The following GAS2L3 variants were observed in gnomAD, a reference collection of about 807,000 sequenced individuals.
GAS2L3 encodes growth arrest specific 2 like 3, also known as GAS2-like protein 3.
In GAS2L3, 28 loss-of-function variants were observed where a neutral mutation model predicts 37.0. The ratio of observed to expected loss-of-function variants is 0.76; its 90% CI spans 0.56 to 1.04. The LOEUF (loss-of-function observed/expected upper bound fraction) is 1.04. Ranked by LOEUF, GAS2L3 falls within the 50% of genes least tolerant of loss-of-function variation. The pLI, the probability that GAS2L3 is intolerant of heterozygous loss-of-function variation, is 0.00. For missense variants in GAS2L3, 793 were observed against 817.6 expected (o/e 0.97, Z 0.37); for synonymous variants, 290 against 296.6 (o/e 0.98, Z 0.23).
chr12:100,625,068 G>A lies in GAS2L3; in HGVS notation c.*178G>A. The A allele has an allele frequency of 1.9e-6, 1 of 527,844 alleles. No individual in the cohort carries two copies. Among genetic ancestry groups the A allele is most frequent in the African/African-American group, 1.9e-5 (1 of 52,894 alleles). The allele number at this position is 527,844 out of a possible 1,614,324, so 32.7% of individuals were successfully genotyped here. On this transcript the variant is annotated 3_prime_UTR_variant, in exon 10 of 10. Transcript: ENST00000547754. Reference sequence around the variant, plus strand: ...CACATATCTGAATTCACTGGAAAGAGCCCTTCTGAAGCAAACAGTTGTAAA... The same window carrying A: ...CACATATCTGAATTCACTGGAAAGAACCCTTCTGAAGCAAACAGTTGTAAA...
chr12:100,614,092 G>C (rs1043434375), intron 6 of GAS2L3, among the ~76,000 whole-genome samples: 3 of 152,022 alleles, frequency 2.0e-5, no homozygotes, highest in Non-Finnish European at 1.5e-5. Flanking sequence ...TTGTTTTAAG[G>C]ATCTCTGTTT....
At chr12:100,591,274 A>G (rs1436231062) in intron 1 of GAS2L3, among the ~76,000 whole-genome samples, 2 of 152,140 alleles carry the variant, frequency 1.3e-5, no homozygotes, top group African/African-American at 4.8e-5. Context: ...CACATGAAAA[A>G]AGATCACAGC....
Position 100,625,045 on chromosome 12 carries a change from C to G in GAS2L3, c.*155C>G. On this transcript the variant is annotated 3_prime_UTR_variant, in exon 10 of 10. Coordinates refer to ENST00000547754, the MANE Select transcript of GAS2L3 (RefSeq NM_174942.3). ...TGAGGAAAGGGTTCATCAGAATTCACATATCTGAATTCACTGGAAAGAGCC... is the reference window on the plus strand; with the variant it reads ...TGAGGAAAGGGTTCATCAGAATTCAGATATCTGAATTCACTGGAAAGAGCC... The G allele has an allele frequency of 1.7e-6, 1 of 600,574 alleles. No individual in the cohort carries two copies. Among genetic ancestry groups the G allele is most frequent in the Non-Finnish European group, 2.9e-6 (1 of 350,328 alleles). 37.2% of individuals were successfully genotyped at this position (600,574 alleles called of 1,614,324 possible).
chr12:100,595,488 G>A (rs1222886463), intron 3 of GAS2L3, among the ~76,000 whole-genome samples: 1 of 150,894 alleles, frequency 6.6e-6, no homozygotes, highest in East Asian at 1.9e-4. Context: ...ATGATTTCCA[G>A]AGTTGGTGTT....
At chr12:100,592,803 C>T (rs1955862579) in intron 2 of GAS2L3, among the ~76,000 whole-genome samples, 1 of 151,780 alleles carries the variant, frequency 6.6e-6, no homozygotes, top group South Asian at 2.1e-4. Flanking sequence ...CTCACCCTCG[C>T]GAAATCTAAG....
intron 1 of GAS2L3, among the ~76,000 whole-genome samples, chr12:100,589,386 A>C (rs1331157601): frequency 6.6e-6 from 1 of 152,192 alleles, no homozygotes; most frequent in Non-Finnish European, 1.5e-5. Flanking sequence ...AGACCTCTAC[A>C]AGGAAAACTA....
rs1162458336 is a variant in GAS2L3, at chr12:100,624,776, A to T, written c.1971A>T (p.Lys657Asn). The T allele has an allele frequency of 1.2e-6, 2 of 1,613,836 alleles. No homozygotes were observed. The highest frequency in any genetic ancestry group is 1.7e-6 in the Non-Finnish European group (2 of 1,180,012). ...RSGKTPASIR[K>N]PPSSVKDADS... Reference sequence around the variant, plus strand: ...GCAAAACCCCAGCTTCAATCAGGAAACCACCCTCATCTGTTAAGGATGCAG... The same window carrying T: ...GCAAAACCCCAGCTTCAATCAGGAATCCACCCTCATCTGTTAAGGATGCAG... Residue 657 changes from lysine (K) to asparagine (N), a missense_variant, in exon 10 of 10, where the codon AAA (lysine) becomes AAT (asparagine). Coordinates refer to ENST00000547754, the MANE Select transcript of GAS2L3 (RefSeq NM_174942.3).
At chr12:100,579,251 C>CTTCTAACT (rs1955677559) in intron 1 of GAS2L3, 1 of 607,348 alleles carries the variant, frequency 1.6e-6, no homozygotes, top group Admixed American at 2.6e-5. Context: ...TACAAACAAA[C>CTTCTAACT]TTCTAACTGT....
rs1029206180 is a variant in GAS2L3, at chr12:100,627,258, GTTGTT to G, written c.*2386_*2390del. Among the ~76,000 whole-genome samples the G allele has an allele frequency of 6.6e-6, 1 of 151,686 alleles. No individual in the cohort carries two copies. The highest frequency in any genetic ancestry group is 2.4e-5 in the African/African-American group (1 of 41,296). ...TCCAAAATAAAAGTGTTTTTTTAATGTTGTTTTGTTTTGTTTTGTTTTTTTCCTTT... is the reference window on the plus strand; with the variant it reads ...TCCAAAATAAAAGTGTTTTTTTAATGTTGTTTTGTTTTGTTTTTTTCCTTT... On this transcript the variant is annotated 3_prime_UTR_variant, in exon 10 of 10. Coordinates refer to ENST00000547754, the MANE Select transcript of GAS2L3 (RefSeq NM_174942.3).
At chr12:100,612,850 T>C (rs1956142711) in intron 6 of GAS2L3, among the ~76,000 whole-genome samples, 1 of 152,204 alleles carries the variant, frequency 6.6e-6, no homozygotes, top group Non-Finnish European at 1.5e-5. Context: ...AGAAGTTTTA[T>C]CACTGACATA....
Position 100,622,749 on chromosome 12 carries a change from T to TAAAAAAAAAAAAAAAAAAAAAAAA in GAS2L3, c.756+377_756+400dup. ...ATCTAATAAGATTGAGTATCCATAG[T>TAAAAAAAAAAAAAAAAAAAAAAAA]AAAAAAAAAAAAAAAAAAAAAAAAA... On this transcript the variant is annotated intron_variant, in intron 9 of 9. Transcript: ENST00000547754. Among the ~76,000 whole-genome samples the TAAAAAAAAAAAAAAAAAAAAAAAA allele has an allele frequency of 6.0e-4, 16 of 26,842 alleles. 2 individuals are homozygous for TAAAAAAAAAAAAAAAAAAAAAAAA. The highest frequency in any genetic ancestry group is 3.6e-3 in the East Asian group (2 of 562). 17.6% of individuals were successfully genotyped at this position (26,842 alleles called of 152,430 possible). A position where few individuals can be genotyped will look rare whatever the true frequency, so the allele number is the denominator to read the frequency against.
At chr12:100,577,667 A>G (rs896299655) in intron 1 of GAS2L3, among the ~76,000 whole-genome samples, 1 of 152,228 alleles carries the variant, frequency 6.6e-6, no homozygotes, top group Non-Finnish European at 1.5e-5. Flanking sequence ...AGAAGAAATG[A>G]AGACTGTTAA....
At chr12:100,597,138 G>T (rs548703769) in intron 3 of GAS2L3, among the ~76,000 whole-genome samples, 2 of 151,914 alleles carry the variant, frequency 1.3e-5, no homozygotes, top group East Asian at 3.9e-4. Context: ...TTTCATACAT[G>T]ATTTTAAAAA....
At chr12:100,580,042 T>G in intron 1 of GAS2L3, 1 of 1,441,634 alleles carries the variant, frequency 6.9e-7, no homozygotes. Context: ...TTGGCTGTTT[T>G]CAACTTCCTC....
chr12:100,598,088 A>G (rs1001448724), intron 3 of GAS2L3, among the ~76,000 whole-genome samples: 2 of 152,114 alleles, frequency 1.3e-5, no homozygotes, highest in African/African-American at 4.8e-5. Context: ...ACCTCTGAAT[A>G]TTTTAGTGTG....
rs900493342 is a variant in GAS2L3 at position 100,626,162 on chromosome 12, A to T, written c.*1272A>T. The T allele has an allele frequency of 3.9e-5, 6 of 152,216 alleles. No individual in the cohort carries two copies. The highest frequency in any genetic ancestry group is 1.3e-4 in the Admixed American group (2 of 15,272). The allele number at this position is 152,216 out of a possible 1,614,324, so 9.4% of individuals were successfully genotyped here. A position where few individuals can be genotyped will look rare whatever the true frequency, so the allele number is the denominator to read the frequency against. Reference sequence around the variant, plus strand: ...TTAAAACTTCACAGTATTGCCAATTATCTTAGGTTATTCAGTATTCAGGTT... The same window carrying T: ...TTAAAACTTCACAGTATTGCCAATTTTCTTAGGTTATTCAGTATTCAGGTT... On this transcript the variant is annotated 3_prime_UTR_variant, in exon 10 of 10. Coordinates refer to ENST00000547754, the MANE Select transcript of GAS2L3 (RefSeq NM_174942.3).
chr12:100,624,905 T>TA lies in GAS2L3; in HGVS notation c.*22dup, dbSNP rs762640768. On this transcript the variant is annotated 3_prime_UTR_variant, in exon 10 of 10. Coordinates refer to ENST00000547754, the MANE Select transcript of GAS2L3 (RefSeq NM_174942.3). ...CTAGAAAATAAATACATACTCATTA[T>TA]AAAAAAAGAGAAAAGGAAGAATGAA... is the stretch of plus-strand genomic sequence containing the variant. The TA allele has an allele frequency of 2.5e-5, 38 of 1,511,906 alleles. No homozygotes were observed. Among genetic ancestry groups the TA allele is most frequent in the Non-Finnish European group, 3.2e-5 (36 of 1,113,434 alleles). 93.7% of individuals were successfully genotyped at this position (1,511,906 alleles called of 1,614,324 possible). A position where few individuals can be genotyped will look rare whatever the true frequency, so the allele number is the denominator to read the frequency against.
At chr12:100,623,375 T>C (rs1956283114) in intron 9 of GAS2L3, among the ~76,000 whole-genome samples, 187 bp from the exon 10 acceptor site, 1 of 152,234 alleles carries the variant, frequency 6.6e-6, no homozygotes, top group South Asian at 2.1e-4. Context: ...ATTAGTTGCA[T>C]AATTCAATGT....
chr12:100,582,854 C>T (rs137973724), intron 1 of GAS2L3, among the ~76,000 whole-genome samples: 8 of 152,146 alleles, frequency 5.3e-5, no homozygotes, highest in Non-Finnish European at 1.2e-4. Context: ...GAGTTCTTTT[C>T]CTTTCCCAGT....
Sources: allele counts gnomAD v4.1 joint callset (sites outside exome capture counted in the v4.1 genomes callset), GRCh38; gene constraint gnomAD v4.1.1; transcripts MANE v1.5; gene names NCBI Gene and HGNC (gene_info 2026-07-23, HGNC 2026-07-21).